ATP5F1B: variants seen among roughly 807,000 people sequenced by gnomAD.
ATP5F1B encodes the protein ATP synthase F1 subunit beta.
In ATP5F1B, 17 loss-of-function variants were observed where a neutral mutation model predicts 45.9. The ratio of observed to expected loss-of-function variants is 0.37; its 90% confidence interval spans 0.25 to 0.56. The LOEUF (loss-of-function observed/expected upper bound fraction) is 0.56. Among genes scored for constraint, ATP5F1B ranks in the 20% least tolerant of loss-of-function variants. The pLI is 0.80. For synonymous variants in ATP5F1B, 218 were observed against 256.5 expected, an observed-to-expected ratio of 0.85 and a Z score of 1.43; for missense variants, 387 against 673.2, an observed-to-expected ratio of 0.57 and a Z score of 4.70.
At chr12:56,644,560 G>A (rs999400501) in intron 3 of ATP5F1B, among the ~76,000 whole-genome samples, 12 of 151,866 alleles carry the variant, frequency 7.9e-5, no homozygotes, top group African/African-American at 2.4e-4. Context: ...GCAGTGAGTC[G>A]AGAGCGAAAC....
At chr12:56,645,541 G>A (rs1023226582) in intron 1 of ATP5F1B, among the ~76,000 whole-genome samples, 188 bp from the exon 2 acceptor site, 1 of 152,118 alleles carries the variant, frequency 6.6e-6, no homozygotes, top group Admixed American at 6.6e-5. Context: ...CTTCCCATCC[G>A]CATGCACAAG....
At chr12:56,644,479 C>A (rs1951536165) in intron 3 of ATP5F1B, among the ~76,000 whole-genome samples, 1 of 151,940 alleles carries the variant, frequency 6.6e-6, no homozygotes, top group African/African-American at 2.4e-5. Context: ...GGCATGATGG[C>A]ATGCACCTGT....
chr12:56,639,911 C>A, intron 8 of ATP5F1B, 69 bp downstream of exon 8: 1 of 1,513,398 alleles, frequency 6.6e-7, no homozygotes, highest in Non-Finnish European at 9.1e-7. Flanking sequence ...AAGATCCAGT[C>A]CTCATATAGT....
At position 56,644,863 on chromosome 12, in the gene ATP5F1B, G is replaced by C; in HGVS notation, c.403C>G (p.Pro135Ala). Residue 135 changes from proline (P) to alanine (A), a missense_variant, in exon 3 of 10, where the codon CCT becomes GCT. By Grantham distance (27) the Pro-to-Ala change is conservative. Transcript: ENST00000262030. The part of the protein sequence containing the change: ...VLDSGAPIKI[P>A]VGPETLGRIM... ...CTGCCCAAAGTCTCAGGACCAACAG[G>C]AATTTTGATTGGTGCACCAGAATCC... The C allele has an allele frequency of 6.2e-7, 1 of 1,614,152 alleles. No individual in the cohort carries two copies. Among genetic ancestry groups the C allele is most frequent in the Non-Finnish European group, 8.5e-7 (1 of 1,180,040 alleles).
At chr12:56,641,978 T>C (rs1951515462) in intron 7 of ATP5F1B, among the ~76,000 whole-genome samples, 1 of 152,086 alleles carries the variant, frequency 6.6e-6, no homozygotes. Context: ...GATCTACATT[T>C]AAATGTATAC....
intron 3 of ATP5F1B, among the ~76,000 whole-genome samples, chr12:56,644,468 G>A (rs931047486): frequency 6.6e-6 from 1 of 151,884 alleles, no homozygotes; most frequent in Admixed American, 6.6e-5. Flanking sequence ...AAAATTAGCC[G>A]GGCATGATGG....
intron 5 of ATP5F1B, 31 bp downstream of exon 5, chr12:56,643,372 C>A (rs1270969463): frequency 6.3e-7 from 1 of 1,587,534 alleles, no homozygotes. Flanking sequence ...GGCGTAACTA[C>A]CACGTGGACA....
intron 7 of ATP5F1B, among the ~76,000 whole-genome samples, chr12:56,640,935 G>A (rs1951507452): frequency 6.6e-6 from 1 of 151,154 alleles, no homozygotes; most frequent in African/African-American, 2.4e-5. Flanking sequence ...TGTAATCCCA[G>A]CTATGCAGGA....
chr12:56,645,736 T>G, intron 1 of ATP5F1B, 101 bp downstream of exon 1: 1 of 1,547,212 alleles, frequency 6.5e-7, no homozygotes, highest in Non-Finnish European at 8.8e-7. Flanking sequence ...CAGGCATCCT[T>G]TTAACACCAC....
At chr12:56,645,145 T>C (rs748609925) in intron 2 of ATP5F1B, 26 bp downstream of exon 2, 1 of 1,614,086 alleles carries the variant, frequency 6.2e-7, no homozygotes, top group Admixed American at 1.7e-5. Context: ...ACAAGGTCTT[T>C]ACTATTCCTA....
In ATP5F1B at chr12:56,642,736, T is replaced by C. The variant is rs1312417754; in HGVS notation, c.888A>G (p.Gln296=). ...TAAATAGCAGTACATCTTGACCTTC[T>C]TGGTCTCTGAAGTATTCAGCCACAG... The part of the protein sequence containing the change: ...GLTVAEYFRD[Q]EGQDVLLFID... Residue 296 remains glutamine, a synonymous_variant, in exon 6 of 10, where the codon CAA becomes CAG. Coordinates refer to ENST00000262030, the MANE Select transcript of ATP5F1B (RefSeq NM_001686.4). The C allele has an allele frequency of 6.2e-7, 1 of 1,614,198 alleles. No individual in the cohort carries two copies. The highest frequency in any genetic ancestry group is 1.1e-5 in the South Asian group (1 of 91,086).
Position 56,643,511 on chromosome 12 carries a change from A to G in ATP5F1B, c.684T>C (p.Gly228=), listed in dbSNP as rs1397957546. ...ELINNVAKAH[G]GYSVFAGVGE... is the part of the protein sequence containing the mutation. ...CAACACCAGCAAACACAGAGTAACC[A>G]CCATGGGCTTTGGCGACATTGTTGA... The change falls in exon 5 of 10, where the codon GGT becomes GGC. Residue 228 remains glycine, a synonymous_variant. Transcript: ENST00000262030. 1.9e-6 allele frequency: 3 copies of G among 1,614,034 alleles called. No homozygotes were observed. The highest frequency in any genetic ancestry group is 2.5e-6 in the Non-Finnish European group (3 of 1,180,038).
In ATP5F1B at chr12:56,638,439, G is replaced by GA. The variant is rs754432588; in HGVS notation, c.1490-17dup. 0.039 allele frequency: 41,962 copies of GA among 1,070,716 alleles called. No individual in the cohort carries two copies. Among genetic ancestry groups the GA allele is most frequent in the Non-Finnish European group, 0.042 (33,357 of 785,530 alleles). 66.3% of individuals were successfully genotyped at this position (1,070,716 alleles called of 1,614,324 possible). ...TCATATTCACCTGTATGATGGGGGA[G>GA]AAAAAAAAAAAGAGTAAGAAGCGGA... On this transcript the variant is annotated splice_polypyrimidine_tract_variant and intron_variant, in intron 9 of 9. Transcript: ENST00000262030.
At position 56,644,762 on chromosome 12, in the gene ATP5F1B, T is replaced by G. The variant is rs754829786; in HGVS notation, c.485+19A>C. On this transcript the variant is annotated intron_variant, in intron 3 of 9. Coordinates refer to ENST00000262030, the MANE Select transcript of ATP5F1B (RefSeq NM_001686.4). ...TAACAGAAGTTCCTTTGTGCATAGATGCAATAAGAGCAACTTACTGTTTGG... is the reference window on the plus strand; with the variant it reads ...TAACAGAAGTTCCTTTGTGCATAGAGGCAATAAGAGCAACTTACTGTTTGG... The G allele has an allele frequency of 1.9e-6, 3 of 1,601,324 alleles. No individual in the cohort carries two copies. The African/African-American group carries it at 4.0e-5, about 21-fold the overall frequency.
chr12:56,645,833 T>C lies in ATP5F1B; in HGVS notation c.127+4A>G. The C allele has an allele frequency of 6.2e-7, 1 of 1,608,134 alleles. No homozygotes were observed. Among genetic ancestry groups the C allele is most frequent in the Non-Finnish European group, 8.5e-7 (1 of 1,177,422 alleles). Reference sequence around the variant, plus strand: ...AACGTTAGCTCCTAGAGAAAAGCACTTACCAGGATGGACCGCCGTCGGAGC... The same window carrying C: ...AACGTTAGCTCCTAGAGAAAAGCACCTACCAGGATGGACCGCCGTCGGAGC... On this transcript the variant is annotated splice_donor_region_variant and intron_variant, in intron 1 of 9. Transcript: ENST00000262030.
At chr12:56,640,301 T>G in intron 7 of ATP5F1B, 109 bp from the exon 8 acceptor site, 1 of 893,390 alleles carries the variant, frequency 1.1e-6, no homozygotes. Flanking sequence ...CAATCTCGGC[T>G]CACTGCAACC....
rs201980085 is a variant in ATP5F1B at position 56,642,587 on chromosome 12, G to A, written c.952-7C>T. 3.1e-5 allele frequency: 50 copies of A among 1,611,596 alleles called. No individual in the cohort carries two copies. The Admixed American group carries it at 6.1e-4, about 20-fold the overall frequency. On this transcript the variant is annotated splice_polypyrimidine_tract_variant and splice_region_variant and intron_variant, in intron 6 of 9. Coordinates refer to ENST00000262030, the MANE Select transcript of ATP5F1B (RefSeq NM_001686.4). ...GGCCCAATAATGCAGACACCTAAAA[G>A]AAAAAAAGGTCTTAGGTGTCTACAT...
chr12:56,643,763 T>C, intron 4 of ATP5F1B, 74 bp downstream of exon 4: 1 of 1,593,330 alleles, frequency 6.3e-7, no homozygotes, highest in Non-Finnish European at 8.6e-7. Flanking sequence ...TAGATGTCAA[T>C]ATCCACTCAT....
chr12:56,641,899 C>G (rs549306264), intron 7 of ATP5F1B, among the ~76,000 whole-genome samples: 1 of 152,256 alleles, frequency 6.6e-6, no homozygotes, highest in South Asian at 2.1e-4. Context: ...AGCCCTAATA[C>G]AGTAAATATT....
Sources: gnomAD v4.1 joint callset for allele counts (sites outside exome capture counted in the v4.1 genomes callset) on GRCh38, gnomAD v4.1.1 for gene constraint, MANE v1.5 for transcripts, NCBI Gene and HGNC (gene_info 2026-07-23, HGNC 2026-07-21) for gene names.